Variants in LPP observed in about 807,000 individuals in gnomAD.
LPP encodes the protein LIM domain containing preferred translocation partner in lipoma.
Under a neutral mutation model 60.4 loss-of-function variants are expected in LPP, and 38 were observed. The observed-to-expected ratio is 0.63, with a 90% confidence interval of 0.49 to 0.83. The LOEUF (loss-of-function observed/expected upper bound fraction) is 0.83, where lower values mean the gene tolerates loss of function less well. LPP is among the 40% of genes least tolerant of loss of function. The probability of loss-of-function intolerance (pLI) is 0.00; values close to 1 mark genes in which losing one functional copy is unlikely to be tolerated. For synonymous variants in LPP, 328 were observed against 290.8 expected, an observed-to-expected ratio of 1.13 and a Z score of -1.30; for missense variants, 902 against 783.6, an observed-to-expected ratio of 1.15 and a Z score of -1.80.
At chr3:188,365,380 G>A (rs530763351) in intron 3 of LPP, among the ~76,000 whole-genome samples, 13 of 152,182 alleles carry the variant, frequency 8.5e-5, no homozygotes, top group Middle Eastern at 3.2e-3. Flanking sequence ...GTGTTTCCAC[G>A]CTGTGTCTGT....
At chr3:188,580,565 G>C (rs551420135) in intron 6 of LPP, among the ~76,000 whole-genome samples, 1 of 152,298 alleles carries the variant, frequency 6.6e-6, no homozygotes, top group Admixed American at 6.5e-5. Context: ...TACTAGGAAG[G>C]CATGTTTCTT....
At chr3:188,430,976 C>T (rs1023680761) in intron 4 of LPP, among the ~76,000 whole-genome samples, 2 of 151,918 alleles carry the variant, frequency 1.3e-5, no homozygotes, top group Non-Finnish European at 2.9e-5. Context: ...TAGAGTGCTA[C>T]AGCCACAGTT....
rs570931917 is a variant in LPP at position 188,696,828 on chromosome 3, G to T, written c.1114-11439G>T. On this transcript the variant is annotated intron_variant, in intron 7 of 11. Coordinates refer to ENST00000617246, the MANE Select transcript of LPP (RefSeq NM_001375462.1). The stretch of plus-strand genomic sequence containing the variant: ...TTCATATACCTTGATTTCCTGACTG[G>T]ATTATAAATTCTATGAACTGGTTGC... 6.0e-4 allele frequency among the ~76,000 whole-genome samples: 92 copies of T among 152,130 alleles called. 1 individual carries two copies. Among genetic ancestry groups the T allele is most frequent in the South Asian group, 1.3e-3 (6 of 4,800 alleles).
At chr3:188,474,389 AATGCATTGAC>A (rs138666295) in intron 4 of LPP, among the ~76,000 whole-genome samples, 2,629 of 151,468 alleles carry the variant, frequency 0.017, 73 homozygotes, top group African/African-American at 0.06. Flanking sequence ...TGTCATTGAC[AATGCATTGAC>A]ATGCATTGAC....
intron 2 of LPP, among the ~76,000 whole-genome samples, chr3:188,305,056 T>A (rs1176734101): frequency 2.0e-5 from 3 of 152,218 alleles, no homozygotes; most frequent in Non-Finnish European, 4.4e-5. Context: ...TTTGTTTATA[T>A]CTCTTAGGAG....
At chr3:188,225,237 C>T (rs1462085616) in intron 1 of LPP, among the ~76,000 whole-genome samples, 168 bp from the exon 2 acceptor site, 3 of 152,148 alleles carry the variant, frequency 2.0e-5, no homozygotes, top group African/African-American at 7.2e-5. Context: ...TTCTCTTTCC[C>T]CATCATTCTG....
chr3:188,457,660 A>AG (rs1798019871), intron 4 of LPP, among the ~76,000 whole-genome samples: 1 of 151,568 alleles, frequency 6.6e-6, no homozygotes, highest in East Asian at 1.9e-4. Flanking sequence ...TGGGAGGCCA[A>AG]GGGGAGCAGA....
At chr3:188,692,158 T>C (rs565781607) in intron 7 of LPP, among the ~76,000 whole-genome samples, 36 of 152,314 alleles carry the variant, frequency 2.4e-4, no homozygotes, top group African/African-American at 8.2e-4. Flanking sequence ...CACAGCCACG[T>C]TGATCCTCAT....
At chr3:188,179,334 C>G (rs1560087297) in intron 1 of LPP, 2 of 458,174 alleles carry the variant, frequency 4.4e-6, no homozygotes, top group Admixed American at 2.3e-5. Context: ...CATCACAGCT[C>G]TGCGGCCTCC....
chr3:188,371,641 A>ATTTTTTTTTTTTT (rs1158606459), intron 3 of LPP, among the ~76,000 whole-genome samples: 1 of 32,172 alleles, frequency 3.1e-5, no homozygotes, highest in Non-Finnish European at 5.2e-5. Flanking sequence ...ATATATATAT[A>ATTTTTTTTTTTTT]TTTTTTTTTT....
chr3:188,502,437 T>G (rs1169134881), intron 5 of LPP, among the ~76,000 whole-genome samples: 1 of 152,206 alleles, frequency 6.6e-6, no homozygotes, highest in Non-Finnish European at 1.5e-5. Context: ...GTCTGCTTTT[T>G]GTGGGTTACT....
At chr3:188,716,967 T>C (rs1382993325) in intron 8 of LPP, among the ~76,000 whole-genome samples, 1 of 152,244 alleles carries the variant, frequency 6.6e-6, no homozygotes, top group Non-Finnish European at 1.5e-5. Context: ...ATTTATATAA[T>C]GCTTTTTAAA....
At chr3:188,820,272 T>G (rs1302017785) in intron 9 of LPP, among the ~76,000 whole-genome samples, 4 of 125,762 alleles carry the variant, frequency 3.2e-5, no homozygotes, top group African/African-American at 1.5e-4. Context: ...AACTGGTGTT[T>G]GTGTGTGTGT....
intron 7 of LPP, among the ~76,000 whole-genome samples, chr3:188,684,709 A>G (rs984460037): frequency 2.0e-5 from 3 of 152,012 alleles, no homozygotes; most frequent in East Asian, 1.9e-4. Context: ...AGGCTTGTCA[A>G]TCTGAGACCA....
At position 188,275,744 on chromosome 3, in the gene LPP, C is replaced by T. The variant is rs146267970; in HGVS notation, c.-67+50217C>T. 3.2e-4 allele frequency among the ~76,000 whole-genome samples: 49 copies of T among 152,114 alleles called. No individual in the cohort carries two copies. In the East Asian group the frequency reaches 7.7e-3, roughly 24 times the overall value. On this transcript the variant is annotated intron_variant, in intron 2 of 11. Coordinates refer to ENST00000617246, the MANE Select transcript of LPP (RefSeq NM_001375462.1). Reference sequence around the variant, plus strand: ...AGACTGGAGTGCAATGGCACCATCTCGGCTCACTGCAACCTCCACTTCCCA... The same window carrying T: ...AGACTGGAGTGCAATGGCACCATCTTGGCTCACTGCAACCTCCACTTCCCA...
At chr3:188,494,588 C>G (rs1031419495) in intron 5 of LPP, among the ~76,000 whole-genome samples, 4 of 152,044 alleles carry the variant, frequency 2.6e-5, no homozygotes, top group Non-Finnish European at 5.9e-5. Flanking sequence ...GTGTCCTGCT[C>G]AGGTCCTGGT....
At chr3:188,383,496 T>C (rs1777428234) in intron 3 of LPP, among the ~76,000 whole-genome samples, 1 of 152,220 alleles carries the variant, frequency 6.6e-6, no homozygotes, top group Non-Finnish European at 1.5e-5. Context: ...GAAAGATGTA[T>C]ACTATATATG....
At chr3:188,564,247 C>A (rs546673728) in intron 6 of LPP, among the ~76,000 whole-genome samples, 1 of 151,904 alleles carries the variant, frequency 6.6e-6, no homozygotes, top group African/African-American at 2.4e-5. Flanking sequence ...TTCCACCATT[C>A]GCAGCTGGTC....
intron 8 of LPP, among the ~76,000 whole-genome samples, chr3:188,741,972 G>A (rs1046008661): frequency 6.6e-6 from 1 of 151,826 alleles, no homozygotes. Flanking sequence ...TTAAAAACAG[G>A]CAACAGATTT....
Sources: gnomAD v4.1 joint callset for allele counts (sites outside exome capture counted in the v4.1 genomes callset) on GRCh38, gnomAD v4.1.1 for gene constraint, MANE v1.5 for transcripts, NCBI Gene and HGNC (gene_info 2026-07-23, HGNC 2026-07-21) for gene names.